Variants in TRPC6 observed in about 807,000 individuals in gnomAD.
TRPC6 encodes transient receptor potential cation channel subfamily C member 6.
A neutral mutation model predicts 90.7 loss-of-function variants in TRPC6; 55 were observed. The observed-to-expected ratio is 0.61, with a 90% CI of 0.49 to 0.76. The LOEUF is 0.76. TRPC6 is among the 30% of genes least tolerant of loss of function. The pLI is 0.00. For synonymous variants in TRPC6, 393 were observed against 393.0 expected (o/e 1.00, Z 0.00); for missense variants, 989 against 1,122.7 (o/e 0.88, Z 1.70).
chr11:101,525,660 T>C (rs958590916), intron 1 of TRPC6, among the ~76,000 whole-genome samples: 20 of 152,210 alleles, frequency 1.3e-4, no homozygotes, highest in Non-Finnish European at 2.1e-4. Flanking sequence ...AGTATTTTGA[T>C]ACACTTTGAC....
At chr11:101,521,384 T>C (rs371875032) in intron 1 of TRPC6, among the ~76,000 whole-genome samples, 17 of 152,308 alleles carry the variant, frequency 1.1e-4, no homozygotes, top group African/African-American at 4.1e-4. Flanking sequence ...AGCCTGCAGG[T>C]GCACAGAGGC....
Position 101,465,575 on chromosome 11 carries a change from G to A in TRPC6, c.2484+3852C>T, listed in dbSNP as rs546201666. ...CTGATATCCTTTCTTTGGCTTGTTC[G>A]ATTTATCTGTTGATACTTGTGTATG... On this transcript the variant is annotated intron_variant, in intron 10 of 12. Transcript: ENST00000344327. 4.0e-5 allele frequency among the ~76,000 whole-genome samples: 6 copies of A among 151,890 alleles called. No homozygotes were observed. The East Asian group carries it at 5.8e-4, about 15-fold the overall frequency.
At chr11:101,542,209 A>G (rs1359379606) in intron 1 of TRPC6, among the ~76,000 whole-genome samples, 1 of 152,224 alleles carries the variant, frequency 6.6e-6, no homozygotes, top group Non-Finnish European at 1.5e-5. Flanking sequence ...GTAAAACAGA[A>G]GTGCAAGGTC....
chr11:101,477,056 TC>T (rs993583072), intron 5 of TRPC6, among the ~76,000 whole-genome samples: 1 of 151,788 alleles, frequency 6.6e-6, no homozygotes, highest in African/African-American at 2.4e-5. Flanking sequence ...AGGCCGTGTC[TC>T]CCCCCGGCTG....
intron 1 of TRPC6, among the ~76,000 whole-genome samples, chr11:101,572,382 G>A (rs1861982455): frequency 6.6e-6 from 1 of 152,176 alleles, no homozygotes; most frequent in African/African-American, 2.4e-5. Flanking sequence ...AGGATGTGGA[G>A]AAATAGGAAC....
intron 1 of TRPC6, among the ~76,000 whole-genome samples, chr11:101,563,695 G>A (rs182816436): frequency 8.6e-4 from 131 of 152,238 alleles, no homozygotes; most frequent in African/African-American, 3.1e-3. Context: ...GCTGGAGGGA[G>A]AAGAAAAGAG....
intron 1 of TRPC6, among the ~76,000 whole-genome samples, chr11:101,557,034 G>C (rs114073863): frequency 0.022 from 3,386 of 152,192 alleles, 141 homozygotes; most frequent in African/African-American, 0.077. Flanking sequence ...ACTCTTACCA[G>C]ATTACGTATA....
intron 8 of TRPC6, 30 bp from the exon 9 acceptor site, chr11:101,471,416 G>A (rs1859290280): frequency 6.2e-7 from 1 of 1,609,384 alleles, no homozygotes; most frequent in Non-Finnish European, 8.5e-7. Context: ...AGTTCAGCAA[G>A]GAAATGCATA....
chr11:101,520,735 G>C (rs1277642991), intron 1 of TRPC6, among the ~76,000 whole-genome samples: 1 of 151,676 alleles, frequency 6.6e-6, no homozygotes, highest in Non-Finnish European at 1.5e-5. Flanking sequence ...ATGGAGATGA[G>C]GAACTTATTG....
intron 10 of TRPC6, among the ~76,000 whole-genome samples, chr11:101,465,722 C>G (rs1859129584): frequency 6.6e-6 from 1 of 152,048 alleles, no homozygotes; most frequent in Admixed American, 6.6e-5. Flanking sequence ...TTTTTTCGCA[C>G]CAGGTGAGAA....
chr11:101,572,031 A>C (rs1861975334), intron 1 of TRPC6, among the ~76,000 whole-genome samples: 1 of 152,236 alleles, frequency 6.6e-6, no homozygotes, highest in Non-Finnish European at 1.5e-5. Context: ...GGATCTAATT[A>C]AACTAAAGAG....
intron 1 of TRPC6, among the ~76,000 whole-genome samples, chr11:101,536,839 G>A (rs1861060819): frequency 6.6e-6 from 1 of 152,184 alleles, no homozygotes; most frequent in South Asian, 2.1e-4. Context: ...GAGATACTTT[G>A]CAATCTGAGG....
intron 2 of TRPC6, 94 bp downstream of exon 2, chr11:101,503,930 G>T: frequency 6.7e-7 from 1 of 1,484,870 alleles, no homozygotes; most frequent in Non-Finnish European, 9.4e-7. Context: ...AGTGTCCACA[G>T]TAACTAGCAC....
intron 1 of TRPC6, among the ~76,000 whole-genome samples, chr11:101,530,881 T>C (rs1314317125): frequency 6.6e-6 from 1 of 152,196 alleles, no homozygotes; most frequent in Non-Finnish European, 1.5e-5. Flanking sequence ...ATGACAAATT[T>C]ATTATCTCAC....
At chr11:101,493,593 T>C (rs1859878433) in intron 2 of TRPC6, among the ~76,000 whole-genome samples, 1 of 152,192 alleles carries the variant, frequency 6.6e-6, no homozygotes, top group African/African-American at 2.4e-5. Context: ...ACTTTGATTT[T>C]TGAAACAACT....
intron 1 of TRPC6, among the ~76,000 whole-genome samples, chr11:101,509,779 T>C (rs1008067035): frequency 6.6e-6 from 1 of 152,098 alleles, no homozygotes; most frequent in Admixed American, 6.6e-5. Context: ...ATATTAATCA[T>C]ATGCAATGAT....
intron 1 of TRPC6, among the ~76,000 whole-genome samples, chr11:101,518,446 C>T (rs1464474917): frequency 6.6e-6 from 1 of 152,070 alleles, no homozygotes; most frequent in Non-Finnish European, 1.5e-5. Flanking sequence ...TGAAAAGATG[C>T]TTAACATCAT....
chr11:101,484,979 T>G (rs148057041), intron 4 of TRPC6, among the ~76,000 whole-genome samples: 1 of 152,212 alleles, frequency 6.6e-6, no homozygotes, highest in African/African-American at 2.4e-5. Context: ...TTTCTTTGTG[T>G]TGAGAATATT....
At chr11:101,514,507 A>AG (rs1273618206) in intron 1 of TRPC6, among the ~76,000 whole-genome samples, 1 of 152,208 alleles carries the variant, frequency 6.6e-6, no homozygotes, top group Admixed American at 6.5e-5. Flanking sequence ...TCAGCAGCCC[A>AG]GAAAAAACCC....
Sources: allele counts gnomAD v4.1 joint callset (sites outside exome capture counted in the v4.1 genomes callset), GRCh38; gene constraint gnomAD v4.1.1; transcripts MANE v1.5; gene names NCBI Gene and HGNC (gene_info 2026-07-23, HGNC 2026-07-21).